The following WDR19 variants were observed in gnomAD, a reference collection of about 807,000 sequenced individuals.
WDR19 encodes WD repeat-containing protein 19.
Under a neutral mutation model 180.0 loss-of-function variants are expected in WDR19, and 121 were observed. The observed-to-expected ratio is 0.67, with a 90% CI of 0.58 to 0.78. The LOEUF (loss-of-function observed/expected upper bound fraction) is 0.78. WDR19 is among the 30% of genes least tolerant of loss of function. WDR19 has a pLI of 0.00. For missense variants in WDR19, 1,450 were observed against 1,640.7 expected (o/e 0.88, Z 2.01); for synonymous variants, 497 against 540.7 (o/e 0.92, Z 1.12).
At position 39,232,325 on chromosome 4, in the gene WDR19, T is replaced by TG; in HGVS notation, c.2253+58dup. The TG allele has an allele frequency of 3.4e-6, 5 of 1,451,754 alleles. No individual in the cohort carries two copies. In the African/African-American group the frequency reaches 4.3e-5, roughly 12 times the overall value. The allele number at this position is 1,451,754 out of a possible 1,614,324, so 89.9% of individuals were successfully genotyped here. A position where few individuals can be genotyped will look rare whatever the true frequency, so the allele number is the denominator to read the frequency against. ...GTGTAAGAGGTATCCAGTGGGGAAA[T>TG]GGGGGAAAAAAAAATGGGGCCGGGT... On this transcript the variant is annotated intron_variant, in intron 19 of 36. Coordinates refer to ENST00000399820, the MANE Select transcript of WDR19 (RefSeq NM_025132.4).
intron 28 of WDR19, 70 bp downstream of exon 28, chr4:39,257,624 A>G: frequency 7.1e-7 from 1 of 1,416,936 alleles, no homozygotes; most frequent in Non-Finnish European, 9.7e-7. Flanking sequence ...AAAATTTTAA[A>G]TATATGCAGA....
At chr4:39,278,874 G>GT (rs1736178486) in intron 36 of WDR19, among the ~76,000 whole-genome samples, 2 of 152,168 alleles carry the variant, frequency 1.3e-5, no homozygotes, top group East Asian at 3.8e-4. Flanking sequence ...TAGCCAAGCA[G>GT]TATGATTCTG....
At position 39,232,208 on chromosome 4, in the gene WDR19, C is replaced by T. The variant is rs1157984983; in HGVS notation, c.2189C>T (p.Thr730Ile). The T allele has an allele frequency of 3.7e-6, 6 of 1,613,516 alleles. No homozygotes were observed. The highest frequency in any genetic ancestry group is 1.7e-5 in the Admixed American group (1 of 59,960). Reference protein sequence around the residue: ...NLLAGHLAMFTNDYNLAQDLY... With the variant: ...NLLAGHLAMFINDYNLAQDLY... The stretch of plus-strand genomic sequence containing the variant: ...TTGGCAGGACACCTTGCCATGTTTA[C>T]CAACGATTATAACCTGGCTCAGGAC... Residue 730 changes from threonine (T) to isoleucine (I), a missense_variant, in exon 19 of 37, where the codon ACC becomes ATC. Coordinates refer to ENST00000399820, the MANE Select transcript of WDR19 (RefSeq NM_025132.4).
At chr4:39,183,250 C>CTATTTTT (rs1725145393) in intron 1 of WDR19, among the ~76,000 whole-genome samples, 1 of 79,224 alleles carries the variant, frequency 1.3e-5, no homozygotes, top group African/African-American at 5.0e-5. Context: ...AAATGGAAGG[C>CTATTTTT]TTTTTTTTTT....
chr4:39,258,958 C>T (rs189233766), intron 28 of WDR19, among the ~76,000 whole-genome samples: 81 of 152,170 alleles, frequency 5.3e-4, no homozygotes, highest in African/African-American at 1.8e-3. Flanking sequence ...ATCCCAGGTA[C>T]TTCAGAGGCT....
intron 28 of WDR19, among the ~76,000 whole-genome samples, chr4:39,264,470 T>G (rs1385205297): frequency 1.3e-5 from 2 of 152,224 alleles, no homozygotes; most frequent in Non-Finnish European, 2.9e-5. Flanking sequence ...TGAGAGCCTC[T>G]GCACCTGCAG....
In WDR19 at chr4:39,228,625, C is replaced by G; in HGVS notation, c.1917C>G (p.Ser639Arg). Reference sequence around the variant, plus strand: ...ACCTTAGCACCCATGGCTTTCTCAGCAACTTAAAAGATACGGGGCCTGACG... The same window carrying G: ...ACCTTAGCACCCATGGCTTTCTCAGGAACTTAAAAGATACGGGGCCTGACG... ...NIYLSTHGFL[S>R]NLKDTGPDEL... Residue 639 changes from serine to arginine, a missense_variant, in exon 17 of 37, where the codon AGC (serine) becomes AGG (arginine). Coordinates refer to ENST00000399820, the MANE Select transcript of WDR19 (RefSeq NM_025132.4). The G allele has an allele frequency of 6.2e-7, 1 of 1,613,342 alleles. No individual in the cohort carries two copies. Among genetic ancestry groups the G allele is most frequent in the Non-Finnish European group, 8.5e-7 (1 of 1,179,558 alleles).
chr4:39,196,307 C>T (rs1010938047), intron 5 of WDR19, among the ~76,000 whole-genome samples: 1 of 152,188 alleles, frequency 6.6e-6, no homozygotes, highest in African/African-American at 2.4e-5. Flanking sequence ...ACACTGTAGA[C>T]TCATACCTCC....
Position 39,267,425 on chromosome 4 carries a change from C to G in WDR19, c.3262-570C>G, listed in dbSNP as rs150912746. ...ATACAGGCCCTTCAACTGCTCCAGC[C>G]ACCTCCCATGGTGTCCACTTATTCC... On this transcript the variant is annotated intron_variant, in intron 29 of 36. Coordinates refer to ENST00000399820, the MANE Select transcript of WDR19 (RefSeq NM_025132.4). 1.4e-3 allele frequency among the ~76,000 whole-genome samples: 218 copies of G among 152,318 alleles called. 1 individual carries two copies. The highest frequency in any genetic ancestry group is 5.1e-3 in the African/African-American group (211 of 41,572).
chr4:39,237,488 C>G (rs923630573), intron 20 of WDR19, among the ~76,000 whole-genome samples: 1 of 152,080 alleles, frequency 6.6e-6, no homozygotes, highest in Non-Finnish European at 1.5e-5. Flanking sequence ...ATCACTTGAG[C>G]CCAGAAGGTT....
chr4:39,232,099 T>TAAA, intron 18 of WDR19, 63 bp from the exon 19 acceptor site: 95 of 1,298,448 alleles, frequency 7.3e-5, no homozygotes, highest in South Asian at 1.7e-4. Context: ...TCAAAGTCCT[T>TAAA]AAAAAAAAAA....
At chr4:39,244,427 A>G (rs777738416) in intron 22 of WDR19, 39 bp downstream of exon 22, 1 of 1,613,906 alleles carries the variant, frequency 6.2e-7, no homozygotes. Flanking sequence ...GTGGTCTTTT[A>G]TACATAATAA....
intron 17 of WDR19, among the ~76,000 whole-genome samples, chr4:39,230,920 A>C (rs1287606053): frequency 6.6e-6 from 1 of 152,210 alleles, no homozygotes; most frequent in African/African-American, 2.4e-5. Context: ...GTTAAGGTCC[A>C]AATGGCAAAT....
chr4:39,254,900 T>C (rs375615671), intron 26 of WDR19, among the ~76,000 whole-genome samples: 9 of 152,216 alleles, frequency 5.9e-5, no homozygotes, highest in African/African-American at 1.4e-4. Flanking sequence ...TTTGTGTTAT[T>C]CTGTTTTTTA....
At chr4:39,274,618 G>C in intron 32 of WDR19, 190 bp from the exon 33 acceptor site, 1 of 609,402 alleles carries the variant, frequency 1.6e-6, no homozygotes, top group South Asian at 2.3e-5. Flanking sequence ...AAAAGCACTT[G>C]ATGGGCAGTT....
chr4:39,243,324 G>A (rs1732163842), intron 21 of WDR19, among the ~76,000 whole-genome samples: 1 of 152,130 alleles, frequency 6.6e-6, no homozygotes, highest in Non-Finnish European at 1.5e-5. Context: ...AAAACTGAAT[G>A]TTATCAGTTG....
intron 27 of WDR19, among the ~76,000 whole-genome samples, chr4:39,256,547 G>C (rs1733779935): frequency 6.6e-6 from 1 of 152,140 alleles, no homozygotes; most frequent in African/African-American, 2.4e-5. Flanking sequence ...ACGGAAGCTT[G>C]GGGCTGCCAG....
chr4:39,195,150 G>A (rs536442481), intron 5 of WDR19, among the ~76,000 whole-genome samples: 35 of 151,796 alleles, frequency 2.3e-4, no homozygotes, highest in Non-Finnish European at 4.1e-4. Context: ...GGTGGATCAC[G>A]AGGTCAGGAG....
chr4:39,245,299 T>G, intron 23 of WDR19, 70 bp from the exon 24 acceptor site: 1 of 1,272,662 alleles, frequency 7.9e-7, no homozygotes, highest in Non-Finnish European at 1.1e-6. Context: ...AAACCTAACA[T>G]TTGGTTATAG....
Sources: gnomAD v4.1 joint callset for allele counts (sites outside exome capture counted in the v4.1 genomes callset) on GRCh38, gnomAD v4.1.1 for gene constraint, MANE v1.5 for transcripts, NCBI Gene and HGNC (gene_info 2026-07-23, HGNC 2026-07-21) for gene names.